PIP: variants seen among roughly 807,000 people sequenced by gnomAD.
The protein encoded by PIP is prolactin induced protein.
Under a neutral mutation model 12.8 loss-of-function variants are expected in PIP, and 9 were observed. The ratio of observed to expected loss-of-function variants is 0.70; its 90% CI spans 0.42 to 1.23. The LOEUF (loss-of-function observed/expected upper bound fraction) is 1.23, where lower values mean the gene tolerates loss of function less well. Ranked by LOEUF, PIP falls within the 50% of genes most tolerant of loss-of-function variation. PIP has a pLI of 0.00. For missense variants in PIP, 172 were observed against 179.5 expected (o/e 0.96, Z 0.24); for synonymous variants, 60 against 66.1 (o/e 0.91, Z 0.45).
At chr7:143,136,186 C>A (rs1338183936) in intron 2 of PIP, among the ~76,000 whole-genome samples, 1 of 151,998 alleles carries the variant, frequency 6.6e-6, no homozygotes, top group East Asian at 1.9e-4. Flanking sequence ...TCATTGATCT[C>A]AGATGTCACA....
chr7:143,133,009 T>C (rs796530304), intron 1 of PIP, among the ~76,000 whole-genome samples: 29 of 152,082 alleles, frequency 1.9e-4, no homozygotes, highest in African/African-American at 6.7e-4. Context: ...TGTTCAGGGT[T>C]TTGACAAGCT....
chr7:143,138,566 C>T (rs1457588237), intron 2 of PIP, among the ~76,000 whole-genome samples: 3 of 152,102 alleles, frequency 2.0e-5, no homozygotes, highest in Non-Finnish European at 4.4e-5. Context: ...CCACCTCATA[C>T]CTGAGGAAAG....
In PIP at chr7:143,135,322, G is replaced by A. The variant is rs773661974; in HGVS notation, c.201+23G>A. The A allele has an allele frequency of 5.7e-6, 6 of 1,057,398 alleles. No individual in the cohort carries two copies. In the East Asian group the frequency reaches 7.2e-5, roughly 13 times the overall value. The allele number at this position is 1,057,398 out of a possible 1,614,324, so 65.5% of individuals were successfully genotyped here. Reference sequence around the variant, plus strand: ...GTGGTAAGTAGAGGACTGGGGGCGTGACTTCAAAAGATAATTCAACTCCTT... The same window carrying A: ...GTGGTAAGTAGAGGACTGGGGGCGTAACTTCAAAAGATAATTCAACTCCTT... On this transcript the variant is annotated intron_variant, in intron 2 of 3. Transcript: ENST00000291009.
intron 1 of PIP, among the ~76,000 whole-genome samples, chr7:143,133,324 CAAAT>C (rs1215815897): frequency 6.6e-6 from 1 of 152,000 alleles, no homozygotes. Context: ...AACTCATATA[CAAAT>C]GGGAGAGATT....
At chr7:143,138,927 A>T (rs1799336688) in intron 2 of PIP, 148 bp from the exon 3 acceptor site, 3 of 615,494 alleles carry the variant, frequency 4.9e-6, no homozygotes, top group Non-Finnish European at 8.8e-6. Context: ...TGGCTCCTGA[A>T]ATGATACTAC....
At chr7:143,132,914 G>A (rs1242868444) in intron 1 of PIP, among the ~76,000 whole-genome samples, 1 of 152,050 alleles carries the variant, frequency 6.6e-6, no homozygotes, top group Admixed American at 6.6e-5. Flanking sequence ...CTCTATAGCA[G>A]TAGGGTTTAT....
At chr7:143,136,777 A>C (rs1388378796) in intron 2 of PIP, among the ~76,000 whole-genome samples, 2 of 152,016 alleles carry the variant, frequency 1.3e-5, no homozygotes, top group African/African-American at 4.8e-5. Flanking sequence ...GCTTTTAAGA[A>C]TCATGCTAGT....
At chr7:143,135,402 A>T in intron 2 of PIP, 103 bp downstream of exon 2, 1 of 557,370 alleles carries the variant, frequency 1.8e-6, no homozygotes, top group Non-Finnish European at 3.3e-6. Context: ...TACTTAATGA[A>T]ACATTCTCAC....
At chr7:143,138,931 ATAC>A in intron 2 of PIP, 141 bp from the exon 3 acceptor site, 1 of 620,696 alleles carries the variant, frequency 1.6e-6, no homozygotes, top group East Asian at 2.7e-5. Flanking sequence ...TCCTGAAATG[ATAC>A]TACAACAGTA....
At chr7:143,139,268 C>T (rs944973268) in intron 3 of PIP, 79 bp downstream of exon 3, 84 of 941,966 alleles carry the variant, frequency 8.9e-5, no homozygotes, top group South Asian at 1.3e-4. Flanking sequence ...AACATGGCTG[C>T]GAACCGAGCA....
intron 2 of PIP, among the ~76,000 whole-genome samples, chr7:143,137,582 G>A (rs956867562): frequency 1.3e-5 from 2 of 152,014 alleles, no homozygotes; most frequent in East Asian, 1.9e-4. Flanking sequence ...GATTCATGAC[G>A]ATATGTTGTT....
Position 143,139,167 on chromosome 7 carries a change from C to T in PIP, c.294C>T (p.Phe98=). 1.9e-6 allele frequency: 3 copies of T among 1,587,934 alleles called. No homozygotes were observed. The highest frequency in any genetic ancestry group is 2.6e-6 in the Non-Finnish European group (3 of 1,155,804). Residue 98 remains phenylalanine, a synonymous_variant, in exon 3 of 4, where the codon TTC becomes TTT. Coordinates refer to ENST00000291009, the MANE Select transcript of PIP (RefSeq NM_002652.3). ...ACLCDDNPKT[F]YWDFYTNRTV... ...TATGTGACGACAATCCAAAAACCTT[C>T]TACTGGGACTTTTACACCAACAGTA...
chr7:143,135,520 G>A (rs938609729), intron 2 of PIP, among the ~76,000 whole-genome samples: 10 of 151,978 alleles, frequency 6.6e-5, no homozygotes, highest in Non-Finnish European at 7.4e-5. Context: ...GGATAAATAA[G>A]AAGGAAAGGA....
chr7:143,134,236 C>CAAAAAA (rs1799280195), intron 1 of PIP, among the ~76,000 whole-genome samples: 1 of 79,146 alleles, frequency 1.3e-5, no homozygotes, highest in African/African-American at 5.1e-5. Flanking sequence ...ATATATATAC[C>CAAAAAA]ACAGTTTCTT....
chr7:143,135,353 T>C (rs1363467197), intron 2 of PIP, 54 bp downstream of exon 2: 6 of 783,310 alleles, frequency 7.7e-6, no homozygotes, highest in Non-Finnish European at 1.1e-5. Flanking sequence ...TCCTTGATTA[T>C]AAACATAATT....
At position 143,139,523 on chromosome 7, in the gene PIP, G is replaced by A. The variant is rs772029976; in HGVS notation, c.322G>A (p.Val108Met). Reference protein sequence around the residue: ...FYWDFYTNRTVQIAAVVDVIR... With the variant: ...FYWDFYTNRTMQIAAVVDVIR... ...TCCGTCCCTGTCTTTTTCAGGAACT[G>A]TGCAAATTGCAGCCGTCGTTGATGT... The change falls in exon 4 of 4, where the codon GTG becomes ATG. Residue 108 changes from valine to methionine, a missense_variant. Val to Met is a conservative substitution (Grantham distance 21, BLOSUM62 1). Coordinates refer to ENST00000291009, the MANE Select transcript of PIP (RefSeq NM_002652.3). 5.0e-6 allele frequency: 8 copies of A among 1,613,486 alleles called. No homozygotes were observed. The highest frequency in any genetic ancestry group is 6.8e-6 in the Non-Finnish European group (8 of 1,179,458).
intron 1 of PIP, among the ~76,000 whole-genome samples, chr7:143,134,183 C>CATATACATATAT (rs1799274554): frequency 7.2e-5 from 3 of 41,664 alleles, no homozygotes; most frequent in African/African-American, 2.6e-4. Context: ...AGTATTCCAT[C>CATATACATATAT]ATATATATAT....
intron 2 of PIP, among the ~76,000 whole-genome samples, chr7:143,137,427 A>G (rs1177359071): frequency 3.3e-5 from 5 of 152,154 alleles, no homozygotes; most frequent in African/African-American, 7.2e-5. Context: ...ATTTTATTCT[A>G]TGAACACATT....
At chr7:143,132,945 T>C (rs779153635) in intron 1 of PIP, among the ~76,000 whole-genome samples, 1 of 152,056 alleles carries the variant, frequency 6.6e-6, no homozygotes, top group Non-Finnish European at 1.5e-5. Flanking sequence ...TTCTGGGTTG[T>C]GATCTTGGAG....
Sources: allele counts gnomAD v4.1 joint callset (sites outside exome capture counted in the v4.1 genomes callset), GRCh38; gene constraint gnomAD v4.1.1; transcripts MANE v1.5; gene names NCBI Gene and HGNC (gene_info 2026-07-23, HGNC 2026-07-21).